MXRA7: variants seen among roughly 807,000 people sequenced by gnomAD.
The protein encoded by MXRA7 is matrix-remodeling-associated protein 7.
In MXRA7, 18 loss-of-function variants were observed where a neutral mutation model predicts 17.4. That is an observed-to-expected ratio of 1.03 (90% CI 0.71 to 1.53). The LOEUF (loss-of-function observed/expected upper bound fraction) is 1.53. Among genes scored for constraint, MXRA7 ranks in the 40% most tolerant of loss-of-function variants. The probability of loss-of-function intolerance (pLI) is 0.00; values close to 1 mark genes in which losing one functional copy is unlikely to be tolerated. For synonymous variants in MXRA7, 70 were observed against 101.7 expected (o/e 0.69, Z 1.87); for missense variants, 141 against 209.3 (o/e 0.67, Z 2.01).
chr17:76,678,625 C>T (rs1373580857), downstream of MXRA7, among the ~76,000 whole-genome samples: 6 of 152,326 alleles, frequency 3.9e-5, no homozygotes, highest in South Asian at 2.1e-4. Flanking sequence ...CTTCAGAGAA[C>T]GTAAACCACA....
intron 1 of MXRA7, among the ~76,000 whole-genome samples, chr17:76,695,808 A>C (rs2076528057): frequency 1.3e-5 from 2 of 152,220 alleles, no homozygotes; most frequent in South Asian, 4.2e-4. Flanking sequence ...AATAGTGTGC[A>C]GAGGCTGGGT....
chr17:76,683,789 G>A (rs2076345694), intron 3 of MXRA7: 5 of 1,308,644 alleles, frequency 3.8e-6, no homozygotes, highest in Admixed American at 1.7e-5. Context: ...TTGTTTGGGG[G>A]CACGTTAGCA....
At chr17:76,695,940 C>CA (rs1166333005) in intron 1 of MXRA7, among the ~76,000 whole-genome samples, 1 of 151,774 alleles carries the variant, frequency 6.6e-6, no homozygotes, top group Admixed American at 6.6e-5. Flanking sequence ...TAAAAAAATA[C>CA]AAAAATTAGC....
intron 1 of MXRA7, among the ~76,000 whole-genome samples, chr17:76,704,205 T>TC (rs1249628854): frequency 1.3e-4 from 16 of 121,588 alleles, no homozygotes; most frequent in Non-Finnish European, 2.7e-4. Context: ...TTCAGATTTT[T>TC]TTTTTTTTTT....
intron 1 of MXRA7, among the ~76,000 whole-genome samples, chr17:76,700,533 C>A (rs2076578648): frequency 6.6e-6 from 1 of 152,170 alleles, no homozygotes; most frequent in Non-Finnish European, 1.5e-5. Context: ...AAGATACCTT[C>A]CTGCTGCCCC....
intron 2 of MXRA7, 111 bp downstream of exon 2, chr17:76,688,002 C>CCCCCCCA: frequency 2.4e-6 from 2 of 838,572 alleles, no homozygotes. Flanking sequence ...GCCACTGTCC[C>CCCCCCCA]ACCCCATCCC....
At chr17:76,700,174 G>A (rs556890586) in intron 1 of MXRA7, among the ~76,000 whole-genome samples, 27 of 152,280 alleles carry the variant, frequency 1.8e-4, no homozygotes, top group African/African-American at 5.5e-4. Flanking sequence ...GTTTTGCCAC[G>A]TTGGCCAGGC....
intron 3 of MXRA7, chr17:76,683,861 A>G (rs373506079): frequency 6.2e-6 from 10 of 1,613,722 alleles, no homozygotes; most frequent in Non-Finnish European, 4.2e-6. Flanking sequence ...AGGATTTGCA[A>G]GAATATTTGT....
intron 2 of MXRA7, among the ~76,000 whole-genome samples, chr17:76,686,441 C>T (rs908303123): frequency 6.6e-6 from 1 of 152,174 alleles, no homozygotes; most frequent in Admixed American, 6.5e-5. Flanking sequence ...GATCGCGCCA[C>T]TGTACTCCAG....
chr17:76,690,985 C>T (rs1598349161), intron 1 of MXRA7, among the ~76,000 whole-genome samples: 2 of 152,148 alleles, frequency 1.3e-5, no homozygotes, highest in African/African-American at 4.8e-5. Flanking sequence ...GCTCCTAAGT[C>T]CGTTGGAATT....
downstream of MXRA7, chr17:76,676,292 G>A (rs1454544227): frequency 3.3e-5 from 5 of 152,182 alleles, no homozygotes; most frequent in African/African-American, 4.8e-5. Flanking sequence ...TCTGTCTACA[G>A]CATCCAGCAT....
Position 76,680,545 on chromosome 17 carries a change from G to C in MXRA7, c.*322C>G. On this transcript the variant is annotated 3_prime_UTR_variant, in exon 4 of 4. Transcript: ENST00000449428. Reference sequence around the variant, plus strand: ...TGTTCTTTTTATCTAAGGTGTGCAGGGTGTGTGGATAGCAAGTTTGAGTGG... The same window carrying C: ...TGTTCTTTTTATCTAAGGTGTGCAGCGTGTGTGGATAGCAAGTTTGAGTGG... 8.8e-7 allele frequency: 1 copy of C among 1,136,968 alleles called. No individual in the cohort carries two copies. 70.4% of individuals were successfully genotyped at this position (1,136,968 alleles called of 1,614,324 possible).
At chr17:76,684,929 TG>T in intron 3 of MXRA7, 142 bp downstream of exon 3, 1 of 709,572 alleles carries the variant, frequency 1.4e-6, no homozygotes, top group Non-Finnish European at 2.5e-6. Flanking sequence ...ACTGGGAAGG[TG>T]GGGCGGTGGT....
At chr17:76,702,123 C>A (rs1044354564) in intron 1 of MXRA7, among the ~76,000 whole-genome samples, 9 of 152,132 alleles carry the variant, frequency 5.9e-5, no homozygotes, top group African/African-American at 1.9e-4. Flanking sequence ...TGAATAAAAT[C>A]TGATGGAAGA....
In MXRA7 at chr17:76,680,657, T is replaced by C. The variant is rs1014237822; in HGVS notation, c.*210A>G. The C allele has an allele frequency of 2.8e-6, 4 of 1,404,086 alleles. No individual in the cohort carries two copies. The African/African-American group carries it at 5.8e-5, about 21-fold the overall frequency. The allele number at this position is 1,404,086 out of a possible 1,614,324, so 87.0% of individuals were successfully genotyped here. ...TGACCCACAGGAACAGACATGAACA[T>C]CTCTACACAGGGCAGGGCCAAAGGT... On this transcript the variant is annotated 3_prime_UTR_variant, in exon 4 of 4. Coordinates refer to ENST00000449428, the MANE Select transcript of MXRA7 (RefSeq NM_198530.4).
chr17:76,682,313 C>T (rs2076315757), intron 3 of MXRA7, among the ~76,000 whole-genome samples: 1 of 152,150 alleles, frequency 6.6e-6, no homozygotes, highest in African/African-American at 2.4e-5. Flanking sequence ...TGCAACTCGA[C>T]TGGACCCTGA....
intron 3 of MXRA7, among the ~76,000 whole-genome samples, chr17:76,682,806 A>G (rs1262585839): frequency 3.9e-5 from 6 of 152,120 alleles, no homozygotes; most frequent in South Asian, 2.1e-4. Context: ...TTCTCAATTC[A>G]GGGCACAAAG....
chr17:76,680,313 T>C lies in MXRA7; in HGVS notation c.*554A>G, dbSNP rs1237271602. The stretch of plus-strand genomic sequence containing the variant: ...TGGTTCTTTGCTGCCCTGTAATCAA[T>C]ATGGCATCTCACCCCCGACAACCAA... On this transcript the variant is annotated 3_prime_UTR_variant, in exon 4 of 4. Transcript: ENST00000449428. 1 of 985,174 alleles carries C rather than the reference T, an allele frequency of 1.0e-6. No homozygotes were observed. The highest frequency in any genetic ancestry group is 1.7e-5 in the African/African-American group (1 of 57,144). The allele number at this position is 985,174 out of a possible 1,614,324, so 61.0% of individuals were successfully genotyped here.
chr17:76,683,879 G>A, intron 3 of MXRA7: 2 of 1,614,114 alleles, frequency 1.2e-6, no homozygotes, highest in Admixed American at 1.7e-5. Flanking sequence ...TGTGGCTCAG[G>A]ACCTAAGGAA....
Sources: gnomAD v4.1 joint callset for allele counts (sites outside exome capture counted in the v4.1 genomes callset) on GRCh38, gnomAD v4.1.1 for gene constraint, MANE v1.5 for transcripts, NCBI Gene and HGNC (gene_info 2026-07-23, HGNC 2026-07-21) for gene names.